Variants in BANP observed in about 807,000 individuals in gnomAD.
BANP encodes the protein protein BANP.
In BANP, 11 loss-of-function variants were observed where a neutral mutation model predicts 68.1. That is an observed-to-expected ratio of 0.16 (90% CI 0.10 to 0.27). The LOEUF is 0.27. BANP is among the 10% of genes least tolerant of loss of function. BANP has a pLI of 1.00. For missense variants in BANP, 504 were observed against 722.7 expected, an observed-to-expected ratio of 0.70 and a Z score of 3.47; for synonymous variants, 329 against 303.2, an observed-to-expected ratio of 1.09 and a Z score of -0.88.
chr16:87,961,103 C>T (rs1189889532), intron 1 of BANP, among the ~76,000 whole-genome samples: 4 of 152,158 alleles, frequency 2.6e-5, no homozygotes, highest in African/African-American at 7.2e-5. Context: ...GTAAAAGATC[C>T]ATTTAGAGTA....
intron 9 of BANP, among the ~76,000 whole-genome samples, chr16:88,034,738 A>G (rs2078941682): frequency 6.6e-6 from 1 of 152,220 alleles, no homozygotes; most frequent in Non-Finnish European, 1.5e-5. Context: ...AGTAACATTT[A>G]AAGATGTAAA....
At chr16:88,070,935 A>C (rs1395465628) in intron 12 of BANP, 2 of 155,076 alleles carry the variant, frequency 1.3e-5, no homozygotes, top group Non-Finnish European at 2.9e-5. Context: ...TTGCTTAGAA[A>C]CATAACTATT....
chr16:88,015,673 C>CG (rs762080148), intron 6 of BANP, among the ~76,000 whole-genome samples: 5 of 152,270 alleles, frequency 3.3e-5, no homozygotes, highest in Non-Finnish European at 2.9e-5. Context: ...AGGCCACTGT[C>CG]CCTGGCACTT....
At chr16:88,075,468 A>G (rs913393452) in intron 13 of BANP, among the ~76,000 whole-genome samples, 2 of 152,138 alleles carry the variant, frequency 1.3e-5, no homozygotes, top group East Asian at 3.9e-4. Context: ...GCACTACTGC[A>G]CTCCAACCTG....
At chr16:88,040,761 A>T (rs578117594) in intron 11 of BANP, among the ~76,000 whole-genome samples, 2 of 152,298 alleles carry the variant, frequency 1.3e-5, no homozygotes, top group Non-Finnish European at 2.9e-5. Flanking sequence ...GGCTTGATTG[A>T]TGGGAGACCC....
chr16:87,975,662 C>A (rs1156465198), intron 2 of BANP, among the ~76,000 whole-genome samples: 2 of 151,324 alleles, frequency 1.3e-5, no homozygotes, highest in African/African-American at 4.9e-5. Context: ...TGTGTAATCC[C>A]CTGTGTGTGG....
intron 13 of BANP, among the ~76,000 whole-genome samples, chr16:88,073,927 T>C (rs2091023866): frequency 6.6e-6 from 1 of 152,228 alleles, no homozygotes; most frequent in Non-Finnish European, 1.5e-5. Context: ...GGATCCATCG[T>C]AACAGCCAAG....
chr16:87,998,784 G>T (rs568056676), intron 4 of BANP, among the ~76,000 whole-genome samples: 14 of 128,770 alleles, frequency 1.1e-4, no homozygotes, highest in South Asian at 2.5e-4. Flanking sequence ...ATGCACGCAC[G>T]TGCGCGGCTG....
chr16:87,969,697 T>C (rs1452575571), intron 1 of BANP, among the ~76,000 whole-genome samples: 1 of 151,944 alleles, frequency 6.6e-6, no homozygotes, highest in Non-Finnish European at 1.5e-5. Context: ...CATCCCCGTC[T>C]AATTTTTTGT....
chr16:88,066,721 C>T (rs1003179501), intron 12 of BANP, among the ~76,000 whole-genome samples: 2 of 152,218 alleles, frequency 1.3e-5, no homozygotes, highest in South Asian at 4.1e-4. Context: ...AACATTGAAT[C>T]ATTTTGTTCA....
chr16:88,039,501 T>C lies in BANP; in HGVS notation c.1311+1490T>C, dbSNP rs552255887. On this transcript the variant is annotated intron_variant, in intron 11 of 13. Transcript: ENST00000682872. ...AGTTGAAACGCTGCTGGACGTTTAATTCCTAGGAAAAGTAAGGCACGTCAC... is the reference window on the plus strand; with the variant it reads ...AGTTGAAACGCTGCTGGACGTTTAACTCCTAGGAAAAGTAAGGCACGTCAC... 5.5e-5 allele frequency among the ~76,000 whole-genome samples: 8 copies of C among 144,920 alleles called. No homozygotes were observed. In the South Asian group the frequency reaches 1.8e-3, roughly 33 times the overall value.
At chr16:87,950,931 G>A (rs1423444854), upstream of BANP, 1 of 152,324 alleles carries the variant, frequency 6.6e-6, no homozygotes, top group Non-Finnish European at 1.5e-5. Context: ...GCAGCAGGTA[G>A]GACCCGCTGG....
chr16:87,980,044 C>T (rs936753519), intron 2 of BANP, among the ~76,000 whole-genome samples: 2 of 152,160 alleles, frequency 1.3e-5, no homozygotes, highest in Non-Finnish European at 2.9e-5. Context: ...CAGATGGTCT[C>T]GCACCTCCCA....
chr16:87,958,737 C>T (rs1447482596), intron 1 of BANP, among the ~76,000 whole-genome samples: 2 of 152,174 alleles, frequency 1.3e-5, no homozygotes, highest in African/African-American at 2.4e-5. Flanking sequence ...CCCGTTAAGC[C>T]GCTTGCTTAG....
chr16:88,012,679 C>T (rs1475866535), intron 6 of BANP, among the ~76,000 whole-genome samples: 3 of 152,152 alleles, frequency 2.0e-5, no homozygotes, highest in Non-Finnish European at 4.4e-5. Flanking sequence ...TTTCCCAGGA[C>T]ATTCATGGAA....
At chr16:87,967,455 G>T (rs1477559082) in intron 1 of BANP, among the ~76,000 whole-genome samples, 1 of 151,266 alleles carries the variant, frequency 6.6e-6, no homozygotes, top group Non-Finnish European at 1.5e-5. Context: ...ATTGTTTTTT[G>T]GTTTTTGATT....
intron 4 of BANP, among the ~76,000 whole-genome samples, chr16:87,989,486 C>T (rs1235445269): frequency 6.6e-6 from 1 of 152,264 alleles, no homozygotes; most frequent in African/African-American, 2.4e-5. Context: ...CGAAGCTGGA[C>T]AGAGATAGTG....
At chr16:88,061,150 G>A (rs1328991688) in intron 11 of BANP, among the ~76,000 whole-genome samples, 1 of 152,192 alleles carries the variant, frequency 6.6e-6, no homozygotes, top group Non-Finnish European at 1.5e-5. Context: ...ATGCTGAAAC[G>A]CTGGAGCCAG....
intron 12 of BANP, among the ~76,000 whole-genome samples, chr16:88,067,569 A>C (rs535992147): frequency 3.3e-5 from 5 of 152,208 alleles, no homozygotes; most frequent in African/African-American, 1.2e-4. Context: ...TTTATGCCAG[A>C]GTTTCAGAGT....
Sources: gnomAD v4.1 joint callset for allele counts (sites outside exome capture counted in the v4.1 genomes callset) on GRCh38, gnomAD v4.1.1 for gene constraint, MANE v1.5 for transcripts, NCBI Gene and HGNC (gene_info 2026-07-23, HGNC 2026-07-21) for gene names.